The following EEA1 variants were observed in gnomAD, a reference collection of about 807,000 sequenced individuals.
EEA1 encodes the protein early endosome antigen 1.
A neutral mutation model predicts 209.2 loss-of-function variants in EEA1; 111 were observed. The ratio of observed to expected loss-of-function variants is 0.53; its 90% CI spans 0.45 to 0.62. EEA1 has a LOEUF of 0.62. EEA1 is among the 20% of genes least tolerant of loss of function. The probability of loss-of-function intolerance (pLI) is 0.00; values close to 1 mark genes in which losing one functional copy is unlikely to be tolerated. For missense variants in EEA1, 1,343 were observed against 1,530.8 expected, an observed-to-expected ratio of 0.88 and a Z score of 2.05; for synonymous variants, 536 against 540.6, an observed-to-expected ratio of 0.99 and a Z score of 0.12.
chr12:92,897,792 G>C (rs1358222453), intron 1 of EEA1, among the ~76,000 whole-genome samples: 1 of 152,092 alleles, frequency 6.6e-6, no homozygotes, highest in Non-Finnish European at 1.5e-5. Flanking sequence ...TTATAGACCG[G>C]ATGACAGAGC....
intron 13 of EEA1, among the ~76,000 whole-genome samples, chr12:92,825,581 C>T (rs79965086): frequency 6.7e-4 from 102 of 152,112 alleles, no homozygotes; most frequent in African/African-American, 2.2e-3. Flanking sequence ...ATGCTGCAGA[C>T]TTTGTATAAA....
rs552543936 is a variant in EEA1 at position 92,902,777 on chromosome 12, A to G, written c.25-11056T>C. On this transcript the variant is annotated intron_variant, in intron 1 of 28. Coordinates refer to ENST00000322349, the MANE Select transcript of EEA1 (RefSeq NM_003566.4). ...AAAAAAAGGCTGTAAATCCTGCCACACACTGTTTAGGCCCAAAGTTTGAGC... is the reference window on the plus strand; with the variant it reads ...AAAAAAAGGCTGTAAATCCTGCCACGCACTGTTTAGGCCCAAAGTTTGAGC... 4.6e-5 allele frequency among the ~76,000 whole-genome samples: 7 copies of G among 151,272 alleles called. No homozygotes were observed. In the South Asian group the frequency reaches 8.4e-4, roughly 18 times the overall value.
intron 1 of EEA1, among the ~76,000 whole-genome samples, chr12:92,914,394 G>A (rs1437821651): frequency 1.3e-5 from 2 of 152,130 alleles, no homozygotes; most frequent in South Asian, 2.1e-4. Flanking sequence ...GTAGCATAAC[G>A]TGAAGTCAGG....
At chr12:92,841,773 T>A (rs979053625) in intron 10 of EEA1, among the ~76,000 whole-genome samples, 1 of 152,130 alleles carries the variant, frequency 6.6e-6, no homozygotes, top group East Asian at 1.9e-4. Context: ...CTGGTACAGT[T>A]GGTGGGAATA....
intron 5 of EEA1, among the ~76,000 whole-genome samples, chr12:92,855,386 C>T (rs1350619483): frequency 6.6e-6 from 1 of 150,476 alleles, no homozygotes; most frequent in Admixed American, 6.6e-5. Context: ...GCCGAGATCG[C>T]GCGCCACTGC....
Position 92,819,392 on chromosome 12 carries a change from A to T in EEA1, c.1644T>A (p.Asp548Glu). ...CACCAGCCTGAATTTTTGCATAAAG[A>T]TCTTCTCTTTCTTTTTCTAGTAATG... ...NISLLEKERE[D>E]LYAKIQAGEG... Residue 548 changes from aspartate (D) to glutamate (E), a missense_variant, in exon 14 of 29, where the codon GAT (aspartate) becomes GAA (glutamate). By Grantham distance (45) the Asp-to-Glu change is conservative (BLOSUM62 2). Coordinates refer to ENST00000322349, the MANE Select transcript of EEA1 (RefSeq NM_003566.4). 2 of 1,612,932 alleles carry T rather than the reference A, an allele frequency of 1.2e-6. No individual in the cohort carries two copies.
intron 9 of EEA1, among the ~76,000 whole-genome samples, chr12:92,850,689 C>CAAAAAAAAA (rs11323932): frequency 1.9e-4 from 9 of 46,920 alleles, no homozygotes; most frequent in Non-Finnish European, 2.6e-4. Context: ...GACTTTGTCT[C>CAAAAAAAAA]AAAAAAAAAA....
At chr12:92,836,583 C>A (rs1261071762) in intron 10 of EEA1, among the ~76,000 whole-genome samples, 14 of 152,122 alleles carry the variant, frequency 9.2e-5, no homozygotes, top group Non-Finnish European at 2.1e-4. Flanking sequence ...TGTAGCTCGC[C>A]AACGTCTCTT....
chr12:92,921,420 T>A (rs1323720048), intron 1 of EEA1, among the ~76,000 whole-genome samples: 1 of 95,076 alleles, frequency 1.1e-5, no homozygotes, highest in Non-Finnish European at 2.1e-5. Flanking sequence ...TATGCAGCCA[T>A]AAAAAATGAT....
intron 24 of EEA1, 56 bp downstream of exon 24, chr12:92,780,224 T>C: frequency 6.6e-7 from 1 of 1,523,750 alleles, no homozygotes; most frequent in African/African-American, 1.4e-5. Flanking sequence ...GGTATATATA[T>C]TTCTTTAAAG....
intron 21 of EEA1, among the ~76,000 whole-genome samples, chr12:92,792,036 C>T (rs764081393): frequency 6.6e-6 from 1 of 152,064 alleles, no homozygotes; most frequent in East Asian, 1.9e-4. Context: ...GGGTAAATAA[C>T]AAAATTAAGG....
At chr12:92,881,007 C>T (rs1236611029) in intron 2 of EEA1, among the ~76,000 whole-genome samples, 1 of 152,152 alleles carries the variant, frequency 6.6e-6, no homozygotes, top group East Asian at 1.9e-4. Flanking sequence ...CTAGAGAAGC[C>T]AGCAATCTGG....
intron 1 of EEA1, among the ~76,000 whole-genome samples, chr12:92,902,612 G>A (rs1258879467): frequency 1.3e-5 from 2 of 151,968 alleles, no homozygotes; most frequent in Non-Finnish European, 2.9e-5. Context: ...GTGGTGGCGG[G>A]CGCTTGTAAT....
chr12:92,903,367 G>A (rs1049581841), intron 1 of EEA1, among the ~76,000 whole-genome samples: 2 of 152,040 alleles, frequency 1.3e-5, no homozygotes, highest in East Asian at 3.9e-4. Context: ...GGAGGCTGAG[G>A]CAGGCAGATC....
At chr12:92,882,973 T>C (rs1879222329) in intron 2 of EEA1, among the ~76,000 whole-genome samples, 1 of 152,248 alleles carries the variant, frequency 6.6e-6, no homozygotes, top group Admixed American at 6.5e-5. Flanking sequence ...AGTCCTGTTT[T>C]AAGTTCTTTA....
chr12:92,841,628 T>C (rs1046814259), intron 10 of EEA1, among the ~76,000 whole-genome samples: 11 of 152,252 alleles, frequency 7.2e-5, no homozygotes, highest in Middle Eastern at 6.8e-3. Flanking sequence ...TTAAAAAATG[T>C]TCAACAACGT....
intron 10 of EEA1, among the ~76,000 whole-genome samples, chr12:92,836,775 G>C (rs1182961950): frequency 6.6e-6 from 1 of 151,992 alleles, no homozygotes; most frequent in Non-Finnish European, 1.5e-5. Flanking sequence ...AGTAAATTAG[G>C]AAAACTCTCA....
chr12:92,872,373 A>G (rs755379555), intron 2 of EEA1, among the ~76,000 whole-genome samples: 1 of 152,226 alleles, frequency 6.6e-6, no homozygotes, highest in Non-Finnish European at 1.5e-5. Context: ...ACTGGCAAGT[A>G]TAACAAATAC....
rs570220391 is a variant in EEA1, at chr12:92,863,674, A to T, written c.245+1186T>A. Reference sequence around the variant, plus strand: ...TTAAACCACTATGTTCTTTGGGTAGATTGTCAGACAGTAATAGATAATCAA... The same window carrying T: ...TTAAACCACTATGTTCTTTGGGTAGTTTGTCAGACAGTAATAGATAATCAA... On this transcript the variant is annotated intron_variant, in intron 3 of 28. Coordinates refer to ENST00000322349, the MANE Select transcript of EEA1 (RefSeq NM_003566.4). Among the ~76,000 whole-genome samples, 12 of 152,334 alleles carry T rather than the reference A, an allele frequency of 7.9e-5. No individual in the cohort carries two copies. The South Asian group carries it at 2.3e-3, about 29-fold the overall frequency.
Sources: allele counts gnomAD v4.1 joint callset (sites outside exome capture counted in the v4.1 genomes callset), GRCh38; gene constraint gnomAD v4.1.1; transcripts MANE v1.5; gene names NCBI Gene and HGNC (gene_info 2026-07-23, HGNC 2026-07-21).